The following SELP variants were observed in gnomAD, a reference collection of about 807,000 sequenced individuals.
The protein encoded by SELP is selectin P.
Under a neutral mutation model 104.1 loss-of-function variants are expected in SELP, and 92 were observed. The ratio of observed to expected loss-of-function variants is 0.88; its 90% CI spans 0.75 to 1.05. The LOEUF is 1.05. Among genes scored for constraint, SELP ranks in the 50% least tolerant of loss-of-function variants. The pLI is 0.00. For missense variants in SELP, 1,022 were observed against 1,017.3 expected (o/e 1.00, Z -0.06); for synonymous variants, 397 against 364.5 (o/e 1.09, Z -1.01).
At chr1:169,596,967 G>C (rs1440790449) in intron 11 of SELP, 24 bp downstream of exon 11, 1 of 1,589,488 alleles carries the variant, frequency 6.3e-7, no homozygotes, top group African/African-American at 1.4e-5. Flanking sequence ...AAGTAGAACT[G>C]TCTTAGCAAG....
At chr1:169,608,887 C>T (rs1407837161) in intron 8 of SELP, among the ~76,000 whole-genome samples, 2 of 152,064 alleles carry the variant, frequency 1.3e-5, no homozygotes, top group Non-Finnish European at 2.9e-5. Context: ...CCACACCCGC[C>T]CCCCATGAGT....
chr1:169,608,002 TA>T (rs1318783658), intron 8 of SELP, among the ~76,000 whole-genome samples: 2 of 152,166 alleles, frequency 1.3e-5, no homozygotes, highest in Non-Finnish European at 2.9e-5. Flanking sequence ...ATGGCTTGAA[TA>T]ATCCCTTATG....
intron 14 of SELP, 26 bp downstream of exon 14, chr1:169,593,579 C>G: frequency 6.2e-7 from 1 of 1,601,330 alleles, no homozygotes; most frequent in Non-Finnish European, 8.5e-7. Context: ...AACCAAGATG[C>G]AAAGAGAAGA....
intron 1 of SELP, among the ~76,000 whole-genome samples, chr1:169,626,632 T>A (rs866662469): frequency 7.2e-5 from 11 of 152,242 alleles, no homozygotes; most frequent in African/African-American, 2.4e-4. Context: ...AAATACCAGT[T>A]GGCAGAAGGG....
chr1:169,615,298 C>T (rs894130043), intron 3 of SELP, among the ~76,000 whole-genome samples: 14 of 152,162 alleles, frequency 9.2e-5, no homozygotes, highest in Admixed American at 6.5e-5. Flanking sequence ...GGCAAAACGA[C>T]AATCAATGGT....
chr1:169,613,256 G>A, intron 4 of SELP, 142 bp from the exon 5 acceptor site: 1 of 782,340 alleles, frequency 1.3e-6, no homozygotes, highest in Non-Finnish European at 1.9e-6. Flanking sequence ...TCTCTACTTG[G>A]TCTCTTTGTA....
chr1:169,617,312 T>C lies in SELP; in HGVS notation c.197A>G (p.Asp66Gly). The C allele has an allele frequency of 6.2e-7, 1 of 1,614,148 alleles. No individual in the cohort carries two copies. Among genetic ancestry groups the C allele is most frequent in the Non-Finnish European group, 8.5e-7 (1 of 1,180,020 alleles). ...SRKYCQNRYT[D>G]LVAIQNKNEI... is the part of the protein sequence containing the mutation. ...ATTTTTATTCTGGATGGCCACTAAG[T>C]CTGTGTAGCGATTCTGGCAGTATTT... The change falls in exon 3 of 17, where the codon GAC becomes GGC. Residue 66 changes from aspartate (D) to glycine (G), a missense_variant. By Grantham distance (94) the Asp-to-Gly change is moderately conservative (BLOSUM62 -1). Coordinates refer to ENST00000263686, the MANE Select transcript of SELP (RefSeq NM_003005.4).
intron 1 of SELP, among the ~76,000 whole-genome samples, chr1:169,620,132 C>T (rs3917693): frequency 0.036 from 5,483 of 152,076 alleles, 306 homozygotes; most frequent in African/African-American, 0.13. Context: ...CGCTTGAACC[C>T]GGGAGGCGGA....
chr1:169,617,088 C>G lies in SELP; in HGVS notation c.421G>C (p.Ala141Pro). The G allele has an allele frequency of 6.2e-7, 1 of 1,613,950 alleles. No individual in the cohort carries two copies. The highest frequency in any genetic ancestry group is 8.5e-7 in the Non-Finnish European group (1 of 1,179,948). Residue 141 changes from alanine to proline, a missense_variant, in exon 3 of 17, where the codon GCC becomes CCC. By Grantham distance (27) the Ala-to-Pro change is conservative (BLOSUM62 -1). Coordinates refer to ENST00000263686, the MANE Select transcript of SELP (RefSeq NM_003005.4). The stretch of plus-strand genomic sequence containing the variant: ...TGCTCATCATTCCACTTGCCAGGGG[C>G]TGACGGACTCTTGATGTATATCTCC... ...CVEIYIKSPS[A>P]PGKWNDEHCL...
intron 1 of SELP, 146 bp downstream of exon 1, chr1:169,629,926 G>T: frequency 9.7e-7 from 1 of 1,026,604 alleles, no homozygotes; most frequent in Non-Finnish European, 1.5e-6. Context: ...AAGTTTAAAA[G>T]TACTCACAAA....
At chr1:169,616,618 G>A (rs59251103) in intron 3 of SELP, among the ~76,000 whole-genome samples, 2 of 152,092 alleles carry the variant, frequency 1.3e-5, no homozygotes, top group Non-Finnish European at 2.9e-5. Context: ...TAGGGGCAGG[G>A]CTAAATTTCC....
chr1:169,610,756 G>A (rs1237663650), intron 7 of SELP, among the ~76,000 whole-genome samples: 1 of 152,006 alleles, frequency 6.6e-6, no homozygotes, highest in East Asian at 1.9e-4. Context: ...TTCAGCCTGG[G>A]CGACAGAGTG....
chr1:169,608,338 G>A (rs950026423), intron 8 of SELP, among the ~76,000 whole-genome samples: 7 of 151,826 alleles, frequency 4.6e-5, no homozygotes, highest in African/African-American at 7.3e-5. Flanking sequence ...CTGAAACTCC[G>A]TATCCATTAA....
At chr1:169,615,195 A>G (rs986789605) in intron 3 of SELP, among the ~76,000 whole-genome samples, 3 of 152,240 alleles carry the variant, frequency 2.0e-5, no homozygotes, top group Non-Finnish European at 2.9e-5. Context: ...AATTATTCCA[A>G]CAATCAAACT....
intron 7 of SELP, among the ~76,000 whole-genome samples, chr1:169,611,157 A>G (rs1342023914): frequency 6.6e-6 from 1 of 151,744 alleles, no homozygotes; most frequent in African/African-American, 2.4e-5. Context: ...ATGGTGAACC[A>G]CTCTCTTTAG....
chr1:169,613,757 C>T (rs922339311), intron 3 of SELP, 64 bp from the exon 4 acceptor site: 19 of 1,372,438 alleles, frequency 1.4e-5, no homozygotes, highest in South Asian at 3.5e-5. Context: ...GCTGAATTCT[C>T]GTTTTGACCA....
chr1:169,596,878 A>G (rs1212907290), intron 11 of SELP, 113 bp downstream of exon 11: 1 of 922,754 alleles, frequency 1.1e-6, no homozygotes, highest in Non-Finnish European at 1.5e-6. Flanking sequence ...GCTAAACCCA[A>G]ATAATGGTAA....
intron 10 of SELP, among the ~76,000 whole-genome samples, chr1:169,602,538 T>C (rs533598874): frequency 6.6e-6 from 1 of 152,332 alleles, no homozygotes; most frequent in African/African-American, 2.4e-5. Flanking sequence ...TAAAATGAGA[T>C]GATACTGCCT....
At chr1:169,614,154 C>A (rs1160105333) in intron 3 of SELP, among the ~76,000 whole-genome samples, 5 of 152,196 alleles carry the variant, frequency 3.3e-5, no homozygotes, top group Non-Finnish European at 5.9e-5. Flanking sequence ...TGCTATGTGA[C>A]CTTAGGCAAG....
Sources: allele counts gnomAD v4.1 joint callset (sites outside exome capture counted in the v4.1 genomes callset), GRCh38; gene constraint gnomAD v4.1.1; transcripts MANE v1.5; gene names NCBI Gene and HGNC (gene_info 2026-07-23, HGNC 2026-07-21).